Variants in DHRS4 observed in about 807,000 individuals in gnomAD.
DHRS4 encodes the protein dehydrogenase/reductase SDR family member 4.
Under a neutral mutation model 28.4 loss-of-function variants are expected in DHRS4, and 20 were observed. The ratio of observed to expected loss-of-function variants is 0.71; its 90% CI spans 0.50 to 1.02. The LOEUF (loss-of-function observed/expected upper bound fraction) is 1.02, where lower values mean the gene tolerates loss of function less well. DHRS4 is among the 50% of genes least tolerant of loss of function. The pLI is 0.00. For synonymous variants in DHRS4, 144 were observed against 146.4 expected (o/e 0.98, Z 0.12); for missense variants, 378 against 367.2 (o/e 1.03, Z -0.24).
At chr14:23,958,854 T>G (rs2033282314) in intron 2 of DHRS4, among the ~76,000 whole-genome samples, 1 of 152,142 alleles carries the variant, frequency 6.6e-6, no homozygotes, top group Admixed American at 6.5e-5. Flanking sequence ...AAACACAGAA[T>G]AAGCAGGCCT....
At chr14:23,962,642 C>G (rs1343209548) in intron 3 of DHRS4, among the ~76,000 whole-genome samples, 10 of 151,976 alleles carry the variant, frequency 6.6e-5, no homozygotes, top group Admixed American at 2.6e-4. Context: ...CTGATGCAGT[C>G]TTGAACCCTT....
chr14:23,954,038 A>G, intron 1 of DHRS4, 122 bp downstream of exon 1: 3 of 1,443,964 alleles, frequency 2.1e-6, no homozygotes, highest in Admixed American at 2.3e-5. Context: ...CTGGCCCTGG[A>G]AAAAAGGTAG....
At chr14:23,954,168 G>C (rs193010451) in intron 1 of DHRS4, 112 of 530,472 alleles carry the variant, frequency 2.1e-4, no homozygotes, top group African/African-American at 1.9e-3. Context: ...TATCGATCTA[G>C]TCTCCCCAGT....
intron 3 of DHRS4, among the ~76,000 whole-genome samples, chr14:23,964,907 T>G (rs1174401136): frequency 1.3e-5 from 2 of 151,022 alleles, no homozygotes; most frequent in Non-Finnish European, 2.9e-5. Flanking sequence ...TAATTTACAT[T>G]TTTTTATTTT....
chr14:23,965,918 T>C lies in DHRS4; in HGVS notation c.480-14T>C. On this transcript the variant is annotated splice_polypyrimidine_tract_variant and intron_variant, in intron 4 of 7. Coordinates refer to ENST00000313250, the MANE Select transcript of DHRS4 (RefSeq NM_021004.4). ...TCCACAATGGGAAGATGGTCAGCTC[T>C]CTTCTTTTTCCAGAGGCGGCTCAGT... The C allele has an allele frequency of 6.2e-7, 1 of 1,607,530 alleles. No homozygotes were observed. The highest frequency in any genetic ancestry group is 8.5e-7 in the Non-Finnish European group (1 of 1,176,412).
At chr14:23,954,384 T>G (rs1423458832) in intron 1 of DHRS4, among the ~76,000 whole-genome samples, 1 of 152,284 alleles carries the variant, frequency 6.6e-6, no homozygotes, top group Middle Eastern at 3.4e-3. Flanking sequence ...TGTCGAGATT[T>G]TTGTTTAGGT....
intron 3 of DHRS4, among the ~76,000 whole-genome samples, chr14:23,962,730 T>C (rs1319267059): frequency 1.3e-5 from 2 of 151,174 alleles, no homozygotes; most frequent in African/African-American, 4.9e-5. Flanking sequence ...CTCCCATGAA[T>C]CACAAATATT....
chr14:23,965,018 G>A (rs576522596), intron 3 of DHRS4, among the ~76,000 whole-genome samples: 1 of 151,656 alleles, frequency 6.6e-6, no homozygotes, highest in Non-Finnish European at 1.5e-5. Flanking sequence ...CTACAGAGAG[G>A]ACAAATAGGA....
intron 4 of DHRS4, 45 bp downstream of exon 4, chr14:23,965,877 G>A (rs1885806): frequency 0.033 from 53,135 of 1,605,100 alleles, 3,599 homozygotes; most frequent in Non-Finnish European, 0.038. Context: ...GACACCACAC[G>A]GGCTGAGGGC....
chr14:23,960,028 G>C (rs773263608), intron 3 of DHRS4, 25 bp downstream of exon 3: 7 of 1,529,000 alleles, frequency 4.6e-6, no homozygotes, highest in Admixed American at 1.7e-5. Flanking sequence ...AAGCAGGGGG[G>C]CCGGGGGGGG....
In DHRS4 at chr14:23,966,337, C is replaced by T. The variant is rs1201881440; in HGVS notation, c.586C>T (p.Leu196=). The stretch of plus-strand genomic sequence containing the variant: ...AGCCTTGCTGGGCCTGACCAAGACC[C>T]TGGCCATAGAGCTGGCCCCAAGGAA... ...KTALLGLTKT[L]AIELAPRNIR... The change falls in exon 6 of 8, where the codon CTG becomes TTG. Residue 196 remains leucine (L), a synonymous_variant. Transcript: ENST00000313250. 6 of 1,613,832 alleles carry T rather than the reference C, an allele frequency of 3.7e-6. No homozygotes were observed. Among genetic ancestry groups the T allele is most frequent in the Non-Finnish European group, 4.2e-6 (5 of 1,179,920 alleles).
At chr14:23,954,968 A>G in intron 1 of DHRS4, 67 bp from the exon 2 acceptor site, 2 of 1,598,124 alleles carry the variant, frequency 1.3e-6, no homozygotes, top group South Asian at 1.1e-5. Flanking sequence ...TCTTAACTTC[A>G]GAGCTCATAC....
chr14:23,966,778 A>G (rs1358111235), intron 6 of DHRS4, among the ~76,000 whole-genome samples: 2 of 152,282 alleles, frequency 1.3e-5, no homozygotes, highest in African/African-American at 4.8e-5. Flanking sequence ...TGAAAGAGGG[A>G]AGTCTCTCTC....
At position 23,969,057 on chromosome 14, in the gene DHRS4, G is replaced by T. The variant is rs1181926859; in HGVS notation, c.*186G>T. On this transcript the variant is annotated 3_prime_UTR_variant, in exon 8 of 8. Coordinates refer to ENST00000313250, the MANE Select transcript of DHRS4 (RefSeq NM_021004.4). ...CGTCTTACTCGGGATTTCTGCTGTT[G>T]TTGTGGCCTTGGGTAAAGGCCTCCC... 10 of 1,284,952 alleles carry T rather than the reference G, an allele frequency of 7.8e-6. No individual in the cohort carries two copies. Among genetic ancestry groups the T allele is most frequent in the Non-Finnish European group, 6.2e-6 (6 of 965,830 alleles). The allele number at this position is 1,284,952 out of a possible 1,614,324, so 79.6% of individuals were successfully genotyped here.
At chr14:23,966,479 A>G in intron 6 of DHRS4, 62 bp downstream of exon 6, 2 of 1,601,832 alleles carry the variant, frequency 1.2e-6, no homozygotes, top group Non-Finnish European at 1.7e-6. Context: ...CTTCTTGGAC[A>G]GGGAAGCCCA....
chr14:23,968,541 T>C (rs2033721016), intron 7 of DHRS4, among the ~76,000 whole-genome samples: 1 of 151,236 alleles, frequency 6.6e-6, no homozygotes, highest in African/African-American at 2.4e-5. Context: ...ATTTGAATAT[T>C]ATGGGTAATA....
At position 23,954,988 on chromosome 14, in the gene DHRS4, C is replaced by A. The variant is rs777308965; in HGVS notation, c.129-47C>A. The A allele has an allele frequency of 1.4e-5, 22 of 1,608,084 alleles. No individual in the cohort carries two copies. In the Admixed American group the frequency reaches 3.6e-4, roughly 27 times the overall value. ...ACTTCAGAGCTCATACTGTCGACCT[C>A]TTCCCCTGCACAGGCCTTAGCAGTC... On this transcript the variant is annotated intron_variant, in intron 1 of 7. Transcript: ENST00000313250.
intron 3 of DHRS4, among the ~76,000 whole-genome samples, chr14:23,962,508 T>A (rs2033453876): frequency 1.3e-5 from 2 of 151,834 alleles, no homozygotes. Flanking sequence ...CTTTCTTTGC[T>A]TATCCGTAAG....
intron 2 of DHRS4, among the ~76,000 whole-genome samples, chr14:23,959,281 G>A (rs2138444502): frequency 6.6e-6 from 1 of 152,232 alleles, no homozygotes; most frequent in Non-Finnish European, 1.5e-5. Flanking sequence ...AAGAAATAGG[G>A]CCAACTTCCT....
Sources: gnomAD v4.1 joint callset for allele counts (sites outside exome capture counted in the v4.1 genomes callset) on GRCh38, gnomAD v4.1.1 for gene constraint, MANE v1.5 for transcripts, NCBI Gene and HGNC (gene_info 2026-07-23, HGNC 2026-07-21) for gene names.